SORT1: variants seen among roughly 807,000 people sequenced by gnomAD.
SORT1 encodes the protein sortilin 1.
In SORT1, 39 loss-of-function variants were observed where a neutral mutation model predicts 101.7. That is an observed-to-expected ratio of 0.38 (90% CI 0.30 to 0.50). The LOEUF (loss-of-function observed/expected upper bound fraction) is 0.50. Among genes scored for constraint, SORT1 ranks in the 20% least tolerant of loss-of-function variants. The pLI, the probability that SORT1 is intolerant of heterozygous loss-of-function variation, is 0.90. For missense variants in SORT1, 878 were observed against 1,040.4 expected (o/e 0.84, Z 2.15); for synonymous variants, 396 against 393.7 (o/e 1.01, Z -0.07).
rs546247342 is a variant in SORT1, at chr1:109,317,902, C to T, written c.2092G>A (p.Asp698Asn). 7.4e-6 allele frequency: 12 copies of T among 1,614,026 alleles called. No homozygotes were observed. The highest frequency in any genetic ancestry group is 4.5e-5 in the East Asian group (2 of 44,900). The change falls in exon 16 of 20, where the codon GAC becomes AAC. Residue 698 changes from aspartate (D) to asparagine (N), a missense_variant. Asp to Asn is a conservative substitution (Grantham distance 23). Transcript: ENST00000256637. Reference protein sequence around the residue: ...CVEQPELKGHDLEFCLYGREE... With the variant: ...CVEQPELKGHNLEFCLYGREE... ...CTTCCGTACAGACAAAACTCCAGGT[C>T]GTGGCCCTTCAGTTCTGGCTGTTCC... is the stretch of plus-strand genomic sequence containing the variant.
At chr1:109,338,607 G>A (rs920158143) in intron 10 of SORT1, among the ~76,000 whole-genome samples, 1 of 151,982 alleles carries the variant, frequency 6.6e-6, no homozygotes, top group Admixed American at 6.6e-5. Context: ...GCAGGAAGTG[G>A]GTCAAATTCA....
chr1:109,322,854 G>T, intron 15 of SORT1, 78 bp downstream of exon 15: 4 of 1,198,584 alleles, frequency 3.3e-6, no homozygotes, highest in Middle Eastern at 2.9e-4. Context: ...TTCAATATTT[G>T]TTAGCCCTAT....
At chr1:109,315,139 G>C (rs950159057) in intron 17 of SORT1, among the ~76,000 whole-genome samples, 2 of 152,208 alleles carry the variant, frequency 1.3e-5, no homozygotes, top group Non-Finnish European at 2.9e-5. Flanking sequence ...TACTGTAACA[G>C]TAGGCTGAAT....
At chr1:109,383,174 G>A (rs1166738324) in intron 1 of SORT1, among the ~76,000 whole-genome samples, 1 of 152,156 alleles carries the variant, frequency 6.6e-6, no homozygotes, top group African/African-American at 2.4e-5. Context: ...CTGCACTATT[G>A]CATGTGGGTC....
chr1:109,345,094 T>C (rs945128477), intron 8 of SORT1, among the ~76,000 whole-genome samples: 3 of 152,230 alleles, frequency 2.0e-5, no homozygotes, highest in South Asian at 2.1e-4. Flanking sequence ...TCCTGGGACT[T>C]AGAATAGTAC....
Position 109,336,353 on chromosome 1 carries a change from G to A in SORT1, c.1265-7C>T. 6.4e-7 allele frequency: 1 copy of A among 1,553,818 alleles called. No homozygotes were observed. The highest frequency in any genetic ancestry group is 8.9e-7 in the Non-Finnish European group (1 of 1,124,788). On this transcript the variant is annotated splice_region_variant and splice_polypyrimidine_tract_variant and intron_variant, in intron 10 of 19. Coordinates refer to ENST00000256637, the MANE Select transcript of SORT1 (RefSeq NM_002959.7). ...ATGGTCTGGATAGAATTATCTGAAT[G>A]GGAAGAGAACAACATTAAGTCTGAT...
chr1:109,354,348 G>T lies in SORT1; in HGVS notation c.708+19C>A, dbSNP rs374456433. On this transcript the variant is annotated intron_variant, in intron 5 of 19. Transcript: ENST00000256637. Reference sequence around the variant, plus strand: ...CTATAAAATGCAAAAGGCAAACCATGTTCCTCAACTGGACTTACTTCAGTG... The same window carrying T: ...CTATAAAATGCAAAAGGCAAACCATTTTCCTCAACTGGACTTACTTCAGTG... 2.2e-5 allele frequency: 35 copies of T among 1,601,608 alleles called. No homozygotes were observed. The highest frequency in any genetic ancestry group is 3.0e-5 in the Non-Finnish European group (35 of 1,170,846).
intron 1 of SORT1, 62 bp downstream of exon 1, chr1:109,397,525 C>A: frequency 9.5e-7 from 1 of 1,050,216 alleles, no homozygotes. Context: ...GCGCACGGGC[C>A]GGGAGGGGCA....
At chr1:109,317,502 C>T (rs924567501) in intron 16 of SORT1, among the ~76,000 whole-genome samples, 1 of 152,224 alleles carries the variant, frequency 6.6e-6, no homozygotes, top group Non-Finnish European at 1.5e-5. Flanking sequence ...GCCAGACGAG[C>T]GATGGACGTT....
At chr1:109,320,659 A>G (rs1471651076) in intron 15 of SORT1, among the ~76,000 whole-genome samples, 4 of 152,176 alleles carry the variant, frequency 2.6e-5, no homozygotes, top group Non-Finnish European at 4.4e-5. Context: ...TCAGCTCTAC[A>G]TGAAATGTTC....
At position 109,397,633 on chromosome 1, in the gene SORT1, C is replaced by G; in HGVS notation, c.260G>C (p.Gly87Ala). 1 of 1,276,996 alleles carries G rather than the reference C, an allele frequency of 7.8e-7. No individual in the cohort carries two copies. 79.1% of individuals were successfully genotyped at this position (1,276,996 alleles called of 1,614,324 possible). The change falls in exon 1 of 20, where the codon GGC (glycine) becomes GCC (alanine). Residue 87 changes from glycine (G) to alanine (A), a missense_variant. Physicochemically the swap from Gly to Ala is moderately conservative, Grantham distance 60 (BLOSUM62 0). Around this residue, in one of 2 missense-constraint regions of SORT1, gnomAD observed 194 missense variants for 145.9 expected, o/e 1.33. Transcript: ENST00000256637. ...CTTGGCGACGAAGTCCCGGACCCGGCCGCACTCCTCGTCCTCGCCCGGCGC... is the reference window on the plus strand; with the variant it reads ...CTTGGCGACGAAGTCCCGGACCCGGGCGCACTCCTCGTCCTCGCCCGGCGC... Reference protein sequence around the residue: ...RSAPGEDEECGRVRDFVAKLA... With the variant: ...RSAPGEDEECARVRDFVAKLA...
chr1:109,333,332 AG>A (rs1317632625), intron 11 of SORT1, among the ~76,000 whole-genome samples: 2 of 152,222 alleles, frequency 1.3e-5, no homozygotes, highest in African/African-American at 4.8e-5. Context: ...TAGGGAAAAA[AG>A]CTTCTTGACA....
Position 109,390,568 on chromosome 1 carries a change from A to G in SORT1, c.306+7019T>C, listed in dbSNP as rs139535500. Among the ~76,000 whole-genome samples, 29 of 152,228 alleles carry G rather than the reference A, an allele frequency of 1.9e-4. 1 individual carries two copies. In the East Asian group the frequency reaches 5.0e-3, roughly 26 times the overall value. ...ATCTCTTTGAGATTTTGTATACAAC[A>G]TATTTATGTTTTGAATCCTTTGTGA... On this transcript the variant is annotated intron_variant, in intron 1 of 19. Coordinates refer to ENST00000256637, the MANE Select transcript of SORT1 (RefSeq NM_002959.7).
intron 1 of SORT1, among the ~76,000 whole-genome samples, chr1:109,377,730 A>T (rs1371925670): frequency 6.6e-6 from 1 of 152,242 alleles, no homozygotes; most frequent in Non-Finnish European, 1.5e-5. Context: ...GACTACTGAG[A>T]TTTAAGCAGA....
rs1647325857 is a variant in SORT1, at chr1:109,317,752, T to C, written c.2141+101A>G. The C allele has an allele frequency of 6.3e-6, 5 of 793,564 alleles. No individual in the cohort carries two copies. In the South Asian group the frequency reaches 8.3e-5, roughly 13 times the overall value. 49.2% of individuals were successfully genotyped at this position (793,564 alleles called of 1,614,324 possible). ...CCCTCCCCAACCCCGCCAAAAATAGTGCTCTAAAGTAGGGCTTGGATCTCA... is the reference window on the plus strand; with the variant it reads ...CCCTCCCCAACCCCGCCAAAAATAGCGCTCTAAAGTAGGGCTTGGATCTCA... On this transcript the variant is annotated intron_variant, in intron 16 of 19. Transcript: ENST00000256637.
intron 5 of SORT1, 44 bp downstream of exon 5, chr1:109,354,323 C>T: frequency 1.3e-6 from 2 of 1,499,224 alleles, no homozygotes; most frequent in Non-Finnish European, 9.2e-7. Context: ...ACATTTGAGA[C>T]TATAAAATGC....
In SORT1 at chr1:109,326,641, G is replaced by A. The variant is rs576251596; in HGVS notation, c.1643+351C>T. Among the ~76,000 whole-genome samples the A allele has an allele frequency of 1.9e-4, 27 of 140,482 alleles. No homozygotes were observed. The South Asian group carries it at 5.8e-3, about 30-fold the overall frequency. 92.2% of individuals were successfully genotyped at this position (140,482 alleles called of 152,430 possible). ...TGATTGAAATAATATTAGAGACAAG[G>A]GACAAGGTCTCCCTATGTTGCCCAG... On this transcript the variant is annotated intron_variant, in intron 13 of 19. Coordinates refer to ENST00000256637, the MANE Select transcript of SORT1 (RefSeq NM_002959.7).
At chr1:109,353,382 C>T (rs17646453) in intron 5 of SORT1, among the ~76,000 whole-genome samples, 2,155 of 151,810 alleles carry the variant, frequency 0.014, 27 homozygotes, top group Middle Eastern at 0.024. Flanking sequence ...CTCTGGCCCT[C>T]CTGGTGCCCC....
At chr1:109,322,102 TTC>T (rs1370044089) in intron 15 of SORT1, among the ~76,000 whole-genome samples, 1 of 151,220 alleles carries the variant, frequency 6.6e-6, no homozygotes, top group Non-Finnish European at 1.5e-5. Context: ...TTTTCTTTCT[TTC>T]TGTTTTTTTT....
Sources: allele counts gnomAD v4.1 joint callset (sites outside exome capture counted in the v4.1 genomes callset), GRCh38; gene constraint gnomAD v4.1.1; regional missense constraint gnomAD v4.1.1; transcripts MANE v1.5; gene names NCBI Gene and HGNC (gene_info 2026-07-23, HGNC 2026-07-21).